Variants in GRID2IP observed in about 807,000 individuals in gnomAD.
GRID2IP encodes the protein Grid2 interacting protein.
Under a neutral mutation model 114.3 loss-of-function variants are expected in GRID2IP, and 78 were observed. The observed-to-expected ratio is 0.68, with a 90% CI of 0.57 to 0.82. GRID2IP has a LOEUF of 0.82. Ranked by LOEUF, GRID2IP falls within the 40% of genes least tolerant of loss-of-function variation. The pLI is 0.00. For synonymous variants in GRID2IP, 809 were observed against 724.0 expected, an observed-to-expected ratio of 1.12 and a Z score of -1.89; for missense variants, 1,727 against 1,678.5, an observed-to-expected ratio of 1.03 and a Z score of -0.51.
At chr7:6,542,626 A>G (rs1779831189) in intron 1 of GRID2IP, among the ~76,000 whole-genome samples, 1 of 152,076 alleles carries the variant, frequency 6.6e-6, no homozygotes, top group African/African-American at 2.4e-5. Context: ...CCACTGCACT[A>G]TACAGTCTGG....
intron 7 of GRID2IP, among the ~76,000 whole-genome samples, chr7:6,518,400 A>C (rs1195260727): frequency 6.6e-6 from 1 of 152,134 alleles, no homozygotes; most frequent in African/African-American, 2.4e-5. Context: ...TAATAGAAGA[A>C]AATCAAATAA....
Position 6,521,938 on chromosome 7 carries a change from A to T in GRID2IP, c.939T>A (p.Ala313=). ...GGATCCGGTCACCTGACTTGAGGGC[A>T]GCATTGTCAGCTGGGCTCCCTGGAA... ...SVLPGSPADN[A]ALKSGDRILF... is the part of the protein sequence containing the mutation. Residue 313 remains alanine, a synonymous_variant, in exon 5 of 22, where the codon GCT becomes GCA. Transcript: ENST00000457091. The surrounding 1 kb of genome is among the most constrained non-coding windows in gnomAD (Gnocchi z 4.1). 6.4e-7 allele frequency: 1 copy of T among 1,551,526 alleles called. No homozygotes were observed.
chr7:6,534,098 A>G lies in GRID2IP; in HGVS notation c.584+5620T>C, dbSNP rs1208148346. ...GCCAAGTTCATTTACATGGTTTCCTACCAAGAACCCTGCTGAGAACACCCA... is the reference window on the plus strand; with the variant it reads ...GCCAAGTTCATTTACATGGTTTCCTGCCAAGAACCCTGCTGAGAACACCCA... On this transcript the variant is annotated intron_variant, in intron 2 of 21. Coordinates refer to ENST00000457091, the MANE Select transcript of GRID2IP (RefSeq NM_001145118.2). The surrounding 1 kb of genome is among the most constrained non-coding windows in gnomAD (Gnocchi z 4.5). Among the ~76,000 whole-genome samples, 2 of 152,094 alleles carry G rather than the reference A, an allele frequency of 1.3e-5. No individual in the cohort carries two copies. Among genetic ancestry groups the G allele is most frequent in the African/African-American group, 4.8e-5 (2 of 41,408 alleles).
chr7:6,531,284 A>G lies in GRID2IP; in HGVS notation c.585-4515T>C, dbSNP rs566342613. ...TTTGGTGGCCCCGCCCCCTCCAGGT[A>G]GCCCCGCCTCTGCCCTGCTGGGACC... On this transcript the variant is annotated intron_variant, in intron 2 of 21. Coordinates refer to ENST00000457091, the MANE Select transcript of GRID2IP (RefSeq NM_001145118.2). 1,323 of 404,466 alleles carry G rather than the reference A, an allele frequency of 3.3e-3. 5 individuals carry two copies. Among genetic ancestry groups the G allele is most frequent in the Non-Finnish European group, 3.6e-3 (823 of 229,492 alleles). The allele number at this position is 404,466 out of a possible 1,614,324, so 25.1% of individuals were successfully genotyped here.
At position 6,526,251 on chromosome 7, in the gene GRID2IP, G is replaced by A. The variant is rs1779508334; in HGVS notation, c.892C>T (p.Pro298Ser). ...GGCAGGACAGACTCGATCCAGACAG[G>A]CCCGTGGCCGCGAAGTGTGAAGCCG... ...SFGFTLRGHG[P>S]VWIESVLPGS... Residue 298 changes from proline (P) to serine (S), a missense_variant, in exon 4 of 22, where the codon CCT becomes TCT. Transcript: ENST00000457091. This position sits in a 1 kb window ranked among gnomAD's most constrained non-coding sequence, Gnocchi z 7.6. 6.4e-7 allele frequency: 1 copy of A among 1,551,840 alleles called. No individual in the cohort carries two copies. Among genetic ancestry groups the A allele is most frequent in the African/African-American group, 1.4e-5 (1 of 73,050 alleles).
chr7:6,526,578 G>A lies in GRID2IP; in HGVS notation c.776C>T (p.Pro259Leu). Residue 259 changes from proline (P) to leucine (L), a missense_variant, in exon 3 of 22, where the codon CCC (proline) becomes CTC (leucine). Physicochemically the swap from Pro to Leu is moderately conservative, Grantham distance 98 (BLOSUM62 -3). Transcript: ENST00000457091. The surrounding 1 kb of genome is among the most constrained non-coding windows in gnomAD (Gnocchi z 7.6). ...SAPPRRPDEPPPRRASLLVGG... is the reference protein window; with the variant it reads ...SAPPRRPDEPLPRRASLLVGG... ...CACCAGCAAGGAGGCCCTGCGCGGG[G>A]GCGGCTCATCGGGGCGGCGCGGCGG... The A allele has an allele frequency of 8.3e-7, 1 of 1,201,288 alleles. No homozygotes were observed. The highest frequency in any genetic ancestry group is 1.0e-6 in the Non-Finnish European group (1 of 969,168). The allele number at this position is 1,201,288 out of a possible 1,614,324, so 74.4% of individuals were successfully genotyped here. A position where few individuals can be genotyped will look rare whatever the true frequency, so the allele number is the denominator to read the frequency against.
rs1215265892 is a variant in GRID2IP at position 6,510,660 on chromosome 7, C to G, written c.1602G>C (p.Glu534Asp). 2 of 1,538,788 alleles carry G rather than the reference C, an allele frequency of 1.3e-6. 1 individual carries two copies. The highest frequency in any genetic ancestry group is 4.3e-5 in the Admixed American group (2 of 46,294). ...PEMPLPLIPGERQAGDGTSLP... is the reference protein window; with the variant it reads ...PEMPLPLIPGDRQAGDGTSLP... ...GGGACGTGCCGTCGCCTGCCTGGCG[C>G]TCGCCTGGGATCAGGGGAAGAGGCA... The change falls in exon 10 of 22, where the codon GAG becomes GAC. Residue 534 changes from glutamate to aspartate, a missense_variant. By Grantham distance (45) the Glu-to-Asp change is conservative. Coordinates refer to ENST00000457091, the MANE Select transcript of GRID2IP (RefSeq NM_001145118.2).
In GRID2IP at chr7:6,526,654, G is replaced by T; in HGVS notation, c.700C>A (p.Arg234Ser). 7.0e-7 allele frequency: 1 copy of T among 1,419,890 alleles called. No individual in the cohort carries two copies. The highest frequency in any genetic ancestry group is 9.2e-7 in the Non-Finnish European group (1 of 1,088,484). 88.0% of individuals were successfully genotyped at this position (1,419,890 alleles called of 1,614,324 possible). Residue 234 changes from arginine (R) to serine (S), a missense_variant, in exon 3 of 22, where the codon CGC becomes AGC. By Grantham distance (110) the Arg-to-Ser change is moderately radical (BLOSUM62 -1). Coordinates refer to ENST00000457091, the MANE Select transcript of GRID2IP (RefSeq NM_001145118.2). This position sits in a 1 kb window ranked among gnomAD's most constrained non-coding sequence, Gnocchi z 7.6. ...AQGAQRLRRSRSEERPERLLV... is the reference protein window; with the variant it reads ...AQGAQRLRRSSSEERPERLLV... ...AGGCGCTCCGGCCGCTCCTCGCTGC[G>T]GCTCCGGCGCAGTCGCTGCGCGCCC...
At chr7:6,545,572 G>C (rs749052852) in intron 1 of GRID2IP, among the ~76,000 whole-genome samples, 7 of 152,186 alleles carry the variant, frequency 4.6e-5, no homozygotes, top group Non-Finnish European at 1.0e-4. Context: ...GAAGCTTCGA[G>C]GGTTTCCAGT....
intron 4 of GRID2IP, among the ~76,000 whole-genome samples, chr7:6,522,645 C>T (rs1219567588): frequency 1.3e-5 from 2 of 151,708 alleles, no homozygotes; most frequent in South Asian, 2.1e-4. Flanking sequence ...ACCACCACTC[C>T]GGGCTAATTT....
chr7:6,503,065 G>A lies in GRID2IP; in HGVS notation c.3006C>T (p.Cys1002=), dbSNP rs1346826151. 3.2e-6 allele frequency: 5 copies of A among 1,551,430 alleles called. No individual in the cohort carries two copies. In the East Asian group the frequency reaches 9.8e-5, roughly 30 times the overall value. The stretch of plus-strand genomic sequence containing the variant: ...TGAGCTCCAGGGAGGCCTGGCGCAA[G>A]CATTCAAGGCTGCCTCGGATCTCCT... ...KTEEIRGSLE[C]LRQASLELKN... Residue 1002 remains cysteine, a synonymous_variant, in exon 17 of 22, where the codon TGC becomes TGT. Transcript: ENST00000457091.
At position 6,534,333 on chromosome 7, in the gene GRID2IP, C is replaced by T. The variant is rs1441304143; in HGVS notation, c.584+5385G>A. Among the ~76,000 whole-genome samples, 1 of 152,204 alleles carries T rather than the reference C, an allele frequency of 6.6e-6. No individual in the cohort carries two copies. The highest frequency in any genetic ancestry group is 2.4e-5 in the African/African-American group (1 of 41,462). On this transcript the variant is annotated intron_variant, in intron 2 of 21. Transcript: ENST00000457091. This position sits in a 1 kb window ranked among gnomAD's most constrained non-coding sequence, Gnocchi z 4.5. ...ACGCTAGCGGACCACAAAGCTGACT[C>T]TGCTTTCCTGTTCCCTCCTGGCCAC...
Position 6,551,086 on chromosome 7 carries a change from C to A in GRID2IP, c.351G>T (p.Leu117=), listed in dbSNP as rs1164055360. The A allele has an allele frequency of 1.5e-6, 2 of 1,316,214 alleles. No individual in the cohort carries two copies. Among genetic ancestry groups the A allele is most frequent in the African/African-American group, 1.5e-5 (1 of 64,694 alleles). The allele number at this position is 1,316,214 out of a possible 1,614,324, so 81.5% of individuals were successfully genotyped here. The part of the protein sequence containing the change: ...CGRGLALGRE[L]LRLAGRKRPD... The stretch of plus-strand genomic sequence containing the variant: ...GGCGCTTGCGGCCGGCCAGGCGAAG[C>A]AGCTCACGGCCCAGAGCTAGGCCGC... The change falls in exon 1 of 22, where the codon CTG becomes CTT. Residue 117 remains leucine (L), a synonymous_variant. Transcript: ENST00000457091.
At chr7:6,515,878 C>T (rs1779286650) in intron 7 of GRID2IP, among the ~76,000 whole-genome samples, 1 of 152,028 alleles carries the variant, frequency 6.6e-6, no homozygotes, top group Non-Finnish European at 1.5e-5. Flanking sequence ...GTGGGTGGAT[C>T]ACGAGCTCAG....
chr7:6,510,715 G>C lies in GRID2IP; in HGVS notation c.1556-9C>G, dbSNP rs1358208104. 1 of 1,546,536 alleles carries C rather than the reference G, an allele frequency of 6.5e-7. No individual in the cohort carries two copies. Among genetic ancestry groups the C allele is most frequent in the African/African-American group, 1.4e-5 (1 of 72,802 alleles). On this transcript the variant is annotated splice_polypyrimidine_tract_variant and intron_variant, in intron 9 of 21. Coordinates refer to ENST00000457091, the MANE Select transcript of GRID2IP (RefSeq NM_001145118.2). ...AGGGCACTCGCTGGGACCTACCGGG[G>C]AATAATGTCATTACCGTATCTGAGC... is the stretch of plus-strand genomic sequence containing the variant.
chr7:6,530,702 A>G (rs1487587545), intron 2 of GRID2IP, among the ~76,000 whole-genome samples: 1 of 152,198 alleles, frequency 6.6e-6, no homozygotes, highest in African/African-American at 2.4e-5. Flanking sequence ...ACTCAGGACG[A>G]GATGCCCCCG....
At chr7:6,500,745 ACCCTGTGTTCCCTGC>A (rs1196383987) in intron 20 of GRID2IP, among the ~76,000 whole-genome samples, 1 of 152,112 alleles carries the variant, frequency 6.6e-6, no homozygotes, top group African/African-American at 2.4e-5. Flanking sequence ...ATTAGGGAAA[ACCCTGTGTTCCCTGC>A]CAAGGGGTGT....
At chr7:6,541,854 C>T (rs145536430) in intron 1 of GRID2IP, among the ~76,000 whole-genome samples, 7 of 152,246 alleles carry the variant, frequency 4.6e-5, no homozygotes, top group African/African-American at 1.4e-4. Flanking sequence ...GACACATGCA[C>T]GATGATGTAT....
intron 20 of GRID2IP, among the ~76,000 whole-genome samples, chr7:6,500,269 C>A (rs542996775): frequency 3.8e-4 from 58 of 152,124 alleles, no homozygotes; most frequent in African/African-American, 1.4e-3. Flanking sequence ...TGAGACCAGC[C>A]TGACTAACAT....
Sources: gnomAD v4.1 joint callset for allele counts (sites outside exome capture counted in the v4.1 genomes callset) on GRCh38, gnomAD v4.1.1 for gene constraint, Gnocchi (gnomAD v3.1) non-coding constraint, MANE v1.5 for transcripts, NCBI Gene and HGNC (gene_info 2026-07-23, HGNC 2026-07-21) for gene names.